EXT2: variants seen among roughly 807,000 people sequenced by gnomAD.
The protein encoded by EXT2 is exostosin glycosyltransferase 2, also known as exostosin-2.
A neutral mutation model predicts 81.6 loss-of-function variants in EXT2; 53 were observed. The observed-to-expected ratio is 0.65, with a 90% CI of 0.52 to 0.82. The LOEUF is 0.82. Ranked by LOEUF, EXT2 falls within the 40% of genes least tolerant of loss-of-function variation. EXT2 has a pLI of 0.00. For missense variants in EXT2, 774 were observed against 910.2 expected (o/e 0.85, Z 1.93); for synonymous variants, 320 against 340.0 (o/e 0.94, Z 0.65).
intron 9 of EXT2, among the ~76,000 whole-genome samples, chr11:44,203,607 G>A (rs1180887062): frequency 1.3e-5 from 2 of 152,162 alleles, no homozygotes; most frequent in Non-Finnish European, 2.9e-5. Context: ...TTGCTGGGAA[G>A]CTTCCTGGAG....
At chr11:44,098,683 A>C (rs1953938072) in intron 1 of EXT2, among the ~76,000 whole-genome samples, 1 of 142,686 alleles carries the variant, frequency 7.0e-6, no homozygotes, top group African/African-American at 2.6e-5. Flanking sequence ...CAACAGAGAG[A>C]GATTCTGTCT....
intron 7 of EXT2, among the ~76,000 whole-genome samples, chr11:44,160,486 T>C (rs1472449751): frequency 1.3e-5 from 2 of 152,188 alleles, no homozygotes; most frequent in Middle Eastern, 3.2e-3. Flanking sequence ...GACAGGATTT[T>C]AGTAGATGGA....
chr11:44,214,883 C>T (rs1217622939), intron 10 of EXT2, among the ~76,000 whole-genome samples: 1 of 151,490 alleles, frequency 6.6e-6, no homozygotes, highest in Non-Finnish European at 1.5e-5. Flanking sequence ...TCCCCAGTTG[C>T]TAGGACTACA....
chr11:44,193,843 A>C (rs1156489428), intron 8 of EXT2, among the ~76,000 whole-genome samples: 4 of 152,150 alleles, frequency 2.6e-5, no homozygotes, highest in African/African-American at 9.7e-5. Flanking sequence ...TTGGGATGCA[A>C]GTGGGCAGTG....
intron 7 of EXT2, among the ~76,000 whole-genome samples, chr11:44,162,421 C>T (rs985047687): frequency 4.6e-5 from 7 of 151,718 alleles, no homozygotes; most frequent in Non-Finnish European, 1.0e-4. Flanking sequence ...ACTAAAAATA[C>T]AAAAATTAGC....
At chr11:44,227,746 C>A (rs569967094) in intron 10 of EXT2, among the ~76,000 whole-genome samples, 21 of 152,330 alleles carry the variant, frequency 1.4e-4, no homozygotes, top group African/African-American at 4.8e-4. Flanking sequence ...GAGAGCAGAA[C>A]ATTTCCATAA....
intron 10 of EXT2, 47 bp downstream of exon 10, chr11:44,207,006 T>G: frequency 6.4e-7 from 1 of 1,567,256 alleles, no homozygotes; most frequent in South Asian, 1.1e-5. Context: ...TATTACTTCC[T>G]ATGACTGCTT....
intron 7 of EXT2, among the ~76,000 whole-genome samples, chr11:44,136,564 C>G (rs759984172): frequency 2.4e-4 from 36 of 152,142 alleles, no homozygotes; most frequent in Non-Finnish European, 4.1e-4. Flanking sequence ...GGACACAGCC[C>G]TGGAAATATA....
intron 7 of EXT2, among the ~76,000 whole-genome samples, chr11:44,141,812 A>G (rs1033019312): frequency 6.6e-6 from 1 of 152,332 alleles, no homozygotes; most frequent in Non-Finnish European, 1.5e-5. Flanking sequence ...TTTGCAGCCT[A>G]TGTAAGAAAT....
At chr11:44,224,994 T>G (rs527294771) in intron 10 of EXT2, among the ~76,000 whole-genome samples, 1 of 152,328 alleles carries the variant, frequency 6.6e-6, no homozygotes, top group African/African-American at 2.4e-5. Flanking sequence ...TCCTTTTAAC[T>G]TCATTAAGCA....
At position 44,250,475 on chromosome 11, in the gene EXT2, C is replaced by G. The variant is rs537015519; in HGVS notation, c.*6188C>G. Among the ~76,000 whole-genome samples, 4 of 152,282 alleles carry G rather than the reference C, an allele frequency of 2.6e-5. No homozygotes were observed. In the South Asian group the frequency reaches 8.3e-4, roughly 32 times the overall value. On this transcript the variant is annotated 3_prime_UTR_variant, in exon 14 of 14. Coordinates refer to ENST00000533608, the MANE Select transcript of EXT2 (RefSeq NM_207122.2). ...AACCAGATCGTTTACCAGATTGTAC[C>G]TGGTGATGCTGGCAGCCAGCCCTCT...
At position 44,244,620 on chromosome 11, in the gene EXT2, A is replaced by G; in HGVS notation, c.*333A>G. On this transcript the variant is annotated 3_prime_UTR_variant, in exon 14 of 14. Coordinates refer to ENST00000533608, the MANE Select transcript of EXT2 (RefSeq NM_207122.2). ...GTTCCATGTAACAATCTGGAAGGAA[A>G]CTTCACGGACAGGAAGACTGCTGGA... 1 of 415,554 alleles carries G rather than the reference A, an allele frequency of 2.4e-6. No individual in the cohort carries two copies. The highest frequency in any genetic ancestry group is 4.5e-6 in the Non-Finnish European group (1 of 222,326). The allele number at this position is 415,554 out of a possible 1,614,324, so 25.7% of individuals were successfully genotyped here.
intron 7 of EXT2, among the ~76,000 whole-genome samples, chr11:44,151,065 T>G (rs117305491): frequency 0.017 from 2,538 of 152,326 alleles, 39 homozygotes; most frequent in South Asian, 0.039. Context: ...TAGGATTTTT[T>G]AAATTAATAA....
At chr11:44,211,004 T>G (rs1247976639) in intron 10 of EXT2, among the ~76,000 whole-genome samples, 3 of 152,214 alleles carry the variant, frequency 2.0e-5, no homozygotes, top group Non-Finnish European at 4.4e-5. Context: ...CAAAGCAATT[T>G]TTTAAAAGAA....
chr11:44,180,352 CT>C (rs1955218605), intron 8 of EXT2, among the ~76,000 whole-genome samples: 1 of 152,144 alleles, frequency 6.6e-6, no homozygotes, highest in South Asian at 2.1e-4. Context: ...ATTATTAGAG[CT>C]GTATAAATGT....
At chr11:44,128,110 T>G (rs980220679) in intron 6 of EXT2, among the ~76,000 whole-genome samples, 2 of 152,236 alleles carry the variant, frequency 1.3e-5, no homozygotes, top group Admixed American at 1.3e-4. Context: ...CCACAGGTAT[T>G]TGAACAACTT....
At chr11:44,121,011 C>T (rs1233114708) in intron 4 of EXT2, among the ~76,000 whole-genome samples, 1 of 152,188 alleles carries the variant, frequency 6.6e-6, no homozygotes, top group Non-Finnish European at 1.5e-5. Context: ...AATGAGCATA[C>T]TCCTTCAACC....
chr11:44,234,105 CACTT>C lies in EXT2; in HGVS notation c.1807-9_1807-6del. On this transcript the variant is annotated splice_polypyrimidine_tract_variant and splice_region_variant and intron_variant, in intron 11 of 13. Coordinates refer to ENST00000533608, the MANE Select transcript of EXT2 (RefSeq NM_207122.2). ...TTTTGAATATTTCTTCTTTCTGTCT[CACTT>C]GACAGTATTTTAATTACCTGTATAC... The C allele has an allele frequency of 5.6e-6, 9 of 1,614,054 alleles. No individual in the cohort carries two copies. Among genetic ancestry groups the C allele is most frequent in the Non-Finnish European group, 7.6e-6 (9 of 1,179,942 alleles).
chr11:44,240,036 AT>A (rs1280190413), intron 13 of EXT2, among the ~76,000 whole-genome samples: 1 of 152,200 alleles, frequency 6.6e-6, no homozygotes, highest in Non-Finnish European at 1.5e-5. Context: ...TAGTTGTTAC[AT>A]GGCATTGTTT....
Sources: allele counts gnomAD v4.1 joint callset (sites outside exome capture counted in the v4.1 genomes callset), GRCh38; gene constraint gnomAD v4.1.1; transcripts MANE v1.5; gene names NCBI Gene and HGNC (gene_info 2026-07-23, HGNC 2026-07-21).